Variants in TAAR5 observed in about 807,000 individuals in gnomAD.
TAAR5 encodes trace amine associated receptor 5, also known as trace amine-associated receptor 5.
TAAR5 carries 27 observed loss-of-function variants against 21.1 expected under a neutral mutation model. The observed-to-expected ratio is 1.28, with a 90% CI of 0.94 to 1.76. TAAR5 has a LOEUF of 1.76. Ranked by LOEUF, TAAR5 falls within the 40% of genes most tolerant of loss-of-function variation. The pLI is 0.00. For missense variants in TAAR5, 495 were observed against 405.6 expected, an observed-to-expected ratio of 1.22 and a Z score of -1.89; for synonymous variants, 203 against 167.5, an observed-to-expected ratio of 1.21 and a Z score of -1.64.
chr6:132,616,193 T>A, the TAAR5 span, among the ~76,000 whole-genome samples: 3 of 152,204 alleles, frequency 2.0e-5, no homozygotes, highest in Non-Finnish European at 4.4e-5. Flanking sequence ...CTGTTCTTTT[T>A]AGAGCCCAGT....
upstream of TAAR5, among the ~76,000 whole-genome samples, chr6:132,592,881 T>C (rs1776926717): frequency 6.6e-6 from 1 of 152,206 alleles, no homozygotes; most frequent in Admixed American, 6.5e-5. Context: ...TCCTCTCTGC[T>C]GACATTGCTA....
chr6:132,589,351 G>A lies in TAAR5; in HGVS notation c.336C>T (p.Tyr112=). Residue 112 remains tyrosine (Y), a synonymous_variant, in exon 1 of 1, where the codon TAC becomes TAT. Coordinates refer to ENST00000258034, the MANE Select transcript of TAAR5 (RefSeq NM_003967.3). Reference sequence around the variant, plus strand: ...AGGTGAGGCAGAAGAGGGTGTCCAGGTAGGTGTGCAGGCGGCAGAGGAAGT... The same window carrying A: ...AGGTGAGGCAGAAGAGGGTGTCCAGATAGGTGTGCAGGCGGCAGAGGAAGT... ...FGDFLCRLHT[Y]LDTLFCLTSI... is the part of the protein sequence containing the mutation. The A allele has an allele frequency of 5.0e-6, 8 of 1,614,088 alleles. No individual in the cohort carries two copies. The highest frequency in any genetic ancestry group is 6.8e-6 in the Non-Finnish European group (8 of 1,180,006).
chr6:132,601,147 G>GGGAAAGAAGGAA, the TAAR5 span, among the ~76,000 whole-genome samples: 26 of 118,638 alleles, frequency 2.2e-4, no homozygotes, highest in Admixed American at 4.1e-4. Context: ...GAAGGAAGGA[G>GGGAAAGAAGGAA]GGAAGGAGGG....
chr6:132,590,846 A>G (rs1776896060), upstream of TAAR5, among the ~76,000 whole-genome samples: 1 of 152,172 alleles, frequency 6.6e-6, no homozygotes, highest in South Asian at 2.1e-4. Flanking sequence ...CTTGCCTGCT[A>G]ATGGCTGCTA....
chr6:132,609,010 A>G, the TAAR5 span: 1 of 455,856 alleles, frequency 2.2e-6, no homozygotes, highest in South Asian at 1.5e-5. Context: ...CACTGATCGC[A>G]TTATGCTGTA....
the TAAR5 span, among the ~76,000 whole-genome samples, chr6:132,607,672 T>A: frequency 6.6e-6 from 1 of 152,192 alleles, no homozygotes; most frequent in Non-Finnish European, 1.5e-5. Flanking sequence ...TGGTGATTCA[T>A]AATCAACCTG....
chr6:132,614,255 A>G, the TAAR5 span, among the ~76,000 whole-genome samples: 1 of 152,234 alleles, frequency 6.6e-6, no homozygotes, highest in Non-Finnish European at 1.5e-5. Context: ...GCATTTTAGC[A>G]TTGTTGAAAT....
the TAAR5 span, among the ~76,000 whole-genome samples, chr6:132,612,051 C>T: frequency 6.6e-6 from 1 of 152,092 alleles, no homozygotes; most frequent in Non-Finnish European, 1.5e-5. Context: ...GGTAGTCCTC[C>T]ACTCATTGCC....
upstream of TAAR5, among the ~76,000 whole-genome samples, chr6:132,593,394 G>A (rs1410568482): frequency 1.3e-5 from 2 of 152,142 alleles, no homozygotes; most frequent in East Asian, 1.9e-4. Context: ...GCACATAGTA[G>A]GTGCTCAATA....
chr6:132,608,348 A>C, the TAAR5 span: 1 of 455,934 alleles, frequency 2.2e-6, no homozygotes. Flanking sequence ...GGATTAAAAA[A>C]GCCATGAATA....
At position 132,589,540 on chromosome 6, in the gene TAAR5, C is replaced by T; in HGVS notation, c.147G>A (p.Val49=). The T allele has an allele frequency of 1.2e-6, 2 of 1,613,934 alleles. No individual in the cohort carries two copies. The highest frequency in any genetic ancestry group is 1.7e-5 in the Admixed American group (1 of 60,000). The change falls in exon 1 of 1, where the codon GTG becomes GTA. Residue 49 remains valine, a synonymous_variant. Coordinates refer to ENST00000258034, the MANE Select transcript of TAAR5 (RefSeq NM_003967.3). The part of the protein sequence containing the change: ...LACAAGMLII[V]LGNVFVAFAV... ...CAAATGCCACAAATACATTCCCTAG[C>T]ACGATAATCAGCATGCCTGCTGCAC...
chr6:132,589,117 GCC>G lies in TAAR5; in HGVS notation c.568_569del (p.Gly190GlnfsTer8), dbSNP rs774450696. ...SQWLEEMPCV[G>X]SCQLLLNKFW... ...ATTTATTGAGCAGCAGCTGGCAACTGCCCACACAAGGCATCTCTTCCAGCCAC... is the reference window on the plus strand; with the variant it reads ...ATTTATTGAGCAGCAGCTGGCAACTGCACACAAGGCATCTCTTCCAGCCAC... On this transcript the variant is annotated frameshift_variant, in exon 1 of 1. Coordinates refer to ENST00000258034, the MANE Select transcript of TAAR5 (RefSeq NM_003967.3). LOFTEE classifies it high-confidence loss of function. The G allele has an allele frequency of 1.2e-6, 2 of 1,613,204 alleles. No individual in the cohort carries two copies. The highest frequency in any genetic ancestry group is 1.7e-6 in the Non-Finnish European group (2 of 1,179,598).
upstream of TAAR5, among the ~76,000 whole-genome samples, chr6:132,593,664 A>G (rs1278406454): frequency 6.6e-6 from 1 of 152,176 alleles, no homozygotes; most frequent in East Asian, 1.9e-4. Flanking sequence ...ATATATGTAC[A>G]CACATGAAAG....
At chr6:132,595,424 C>T in the TAAR5 span, 1 of 152,124 alleles carries the variant, frequency 6.6e-6, no homozygotes, top group Non-Finnish European at 1.5e-5. Context: ...TTCTGAGGGT[C>T]AGGCAAATTC....
chr6:132,590,612 T>C (rs145399994), upstream of TAAR5, among the ~76,000 whole-genome samples: 619 of 152,284 alleles, frequency 4.1e-3, 1 homozygote, highest in Admixed American at 9.6e-3. Flanking sequence ...AGTTAACGAT[T>C]TTATACTCTC....
the TAAR5 span, among the ~76,000 whole-genome samples, chr6:132,611,757 G>A: frequency 2.6e-5 from 4 of 152,142 alleles, no homozygotes; most frequent in Non-Finnish European, 1.5e-5. Context: ...TAGGTCATAA[G>A]ACTCTCTTGT....
Position 132,588,809 on chromosome 6 carries a change from A to G in TAAR5, c.878T>C (p.Phe293Ser). 1 of 1,614,142 alleles carries G rather than the reference A, an allele frequency of 6.2e-7. No individual in the cohort carries two copies. The highest frequency in any genetic ancestry group is 8.5e-7 in the Non-Finnish European group (1 of 1,180,004). Residue 293 changes from phenylalanine to serine, a missense_variant, in exon 1 of 1, where the codon TTT (phenylalanine) becomes TCT (serine). Physicochemically the swap from Phe to Ser is radical, Grantham distance 155. Transcript: ENST00000258034. ...PPLVFDIFIW[F>S]AYFNSACNPI... ...GTTGCAGGCTGAGTTGAAGTAAGCA[A>G]ACCAGATAAAGATGTCAAAGACCAG...
At chr6:132,610,083 C>T in the TAAR5 span, among the ~76,000 whole-genome samples, 1,076 of 152,274 alleles carry the variant, frequency 7.1e-3, 11 homozygotes, top group African/African-American at 0.024. Flanking sequence ...ACAAATTCCA[C>T]ACTCACAGAC....
chr6:132,591,758 T>A (rs1456813627), upstream of TAAR5, among the ~76,000 whole-genome samples: 1 of 152,224 alleles, frequency 6.6e-6, no homozygotes, highest in Non-Finnish European at 1.5e-5. Context: ...AAAGGTTTTC[T>A]GTTCTGGGAT....
Sources: gnomAD v4.1 joint callset for allele counts (sites outside exome capture counted in the v4.1 genomes callset) on GRCh38, gnomAD v4.1.1 for gene constraint, MANE v1.5 for transcripts, NCBI Gene and HGNC (gene_info 2026-07-23, HGNC 2026-07-21) for gene names.